Variants in MKLN1 observed in about 807,000 individuals in gnomAD.
The protein encoded by MKLN1 is muskelin 1, also known as muskelin.
In MKLN1, 18 loss-of-function variants were observed where a neutral mutation model predicts 99.0. That is an observed-to-expected ratio of 0.18 (90% confidence interval 0.13 to 0.27). The LOEUF (loss-of-function observed/expected upper bound fraction) is 0.27. MKLN1 is among the 10% of genes least tolerant of loss of function. The pLI is 1.00. For synonymous variants in MKLN1, 288 were observed against 293.2 expected (o/e 0.98, Z 0.18); for missense variants, 621 against 875.9 (o/e 0.71, Z 3.67).
At position 131,313,574 on chromosome 7, in the gene MKLN1, T is replaced by C. The variant is rs185738044; in HGVS notation, c.-178-61850T>C. The stretch of plus-strand genomic sequence containing the variant: ...GTACTGAGTTTTAGAGAAAATGCAG[T>C]AGTAACTTTATATCTCAAAGTACAA... On this transcript the variant is annotated intron_variant, in intron 3 of 7. Coordinates refer to the MKLN1 transcript ENST00000416992. Among the ~76,000 whole-genome samples the C allele has an allele frequency of 4.3e-4, 66 of 152,344 alleles. No homozygotes were observed. In the East Asian group the frequency reaches 7.3e-3, roughly 17 times the overall value.
At chr7:131,450,474 T>C (rs1796145883) in intron 12 of MKLN1, among the ~76,000 whole-genome samples, 1 of 152,194 alleles carries the variant, frequency 6.6e-6, no homozygotes, top group South Asian at 2.1e-4. Flanking sequence ...TTAAATCTTT[T>C]AATGGTTTCT....
chr7:131,411,876 C>T (rs1397443943), intron 7 of MKLN1, among the ~76,000 whole-genome samples: 2 of 132,224 alleles, frequency 1.5e-5, no homozygotes, highest in African/African-American at 5.8e-5. Context: ...TATTGTACTC[C>T]GGCCTGGGAG....
chr7:131,403,607 T>G (rs1794617159), intron 6 of MKLN1, among the ~76,000 whole-genome samples: 1 of 152,168 alleles, frequency 6.6e-6, no homozygotes, highest in South Asian at 2.1e-4. Context: ...TTATTTAAAG[T>G]GAGAGGTTTG....
intron 1 of MKLN1, among the ~76,000 whole-genome samples, chr7:131,365,687 T>C (rs1800159893): frequency 6.6e-6 from 1 of 152,192 alleles, no homozygotes; most frequent in African/African-American, 2.4e-5. Flanking sequence ...CCAACATCAT[T>C]TATGGGAAGG....
At chr7:131,401,196 G>A (rs985754563) in intron 6 of MKLN1, among the ~76,000 whole-genome samples, 1 of 152,134 alleles carries the variant, frequency 6.6e-6, no homozygotes, top group Non-Finnish European at 1.5e-5. Flanking sequence ...ATATTACTTA[G>A]TATGATCTTT....
intron 2 of MKLN1, among the ~76,000 whole-genome samples, chr7:131,171,330 C>T (rs981507894): frequency 2.6e-5 from 4 of 152,006 alleles, no homozygotes; most frequent in Non-Finnish European, 4.4e-5. Context: ...GAAAAAGAGT[C>T]GGAAGGATAA....
At chr7:131,334,577 G>T (rs1799196190) in intron 1 of MKLN1, among the ~76,000 whole-genome samples, 1 of 152,124 alleles carries the variant, frequency 6.6e-6, no homozygotes, top group Non-Finnish European at 1.5e-5. Flanking sequence ...ATGTTGAGAG[G>T]TTTATGTACA....
chr7:131,176,420 G>A (rs921931671), intron 2 of MKLN1, among the ~76,000 whole-genome samples: 2 of 151,750 alleles, frequency 1.3e-5, no homozygotes, highest in East Asian at 1.9e-4. Flanking sequence ...TCTATCTTAC[G>A]TCTCAAATGA....
intron 3 of MKLN1, among the ~76,000 whole-genome samples, chr7:131,246,514 A>G (rs1317583018): frequency 6.6e-6 from 1 of 152,102 alleles, no homozygotes; most frequent in Non-Finnish European, 1.5e-5. Flanking sequence ...ATCTTCTTTT[A>G]TGATTTGTTC....
intron 3 of MKLN1, among the ~76,000 whole-genome samples, chr7:131,222,051 A>G (rs993897283): frequency 1.3e-5 from 2 of 151,730 alleles, no homozygotes; most frequent in Admixed American, 6.6e-5. Flanking sequence ...GACTACAGGC[A>G]TGCACCACCA....
intron 3 of MKLN1, among the ~76,000 whole-genome samples, chr7:131,253,969 C>T (rs1234864630): frequency 1.3e-5 from 2 of 152,150 alleles, no homozygotes; most frequent in Non-Finnish European, 2.9e-5. Flanking sequence ...CAAAAACTAC[C>T]CCAGCAAAGA....
chr7:131,476,452 A>C (rs1238379707), intron 16 of MKLN1, among the ~76,000 whole-genome samples: 2 of 152,226 alleles, frequency 1.3e-5, no homozygotes, highest in African/African-American at 4.8e-5. Flanking sequence ...AGATTACAAA[A>C]ATACAAGGTC....
rs529527144 is a variant in MKLN1, at chr7:131,193,016, A to G, written c.-296-9841A>G. On this transcript the variant is annotated intron_variant, in intron 2 of 7. Transcript: ENST00000416992. Reference sequence around the variant, plus strand: ...GTGTAACAAGCATAGAATTAATTTGAGTATATAATAAAAAGTATTAAAATA... The same window carrying G: ...GTGTAACAAGCATAGAATTAATTTGGGTATATAATAAAAAGTATTAAAATA... 6.6e-5 allele frequency among the ~76,000 whole-genome samples: 10 copies of G among 152,338 alleles called. No individual in the cohort carries two copies. The South Asian group carries it at 1.4e-3, about 22-fold the overall frequency.
At chr7:131,152,796 A>G (rs1795907332) in intron 2 of MKLN1, among the ~76,000 whole-genome samples, 2 of 151,992 alleles carry the variant, frequency 1.3e-5, no homozygotes, top group Middle Eastern at 3.2e-3. Flanking sequence ...TGTTGAAGCA[A>G]GATCCAAATA....
intron 3 of MKLN1, among the ~76,000 whole-genome samples, chr7:131,264,762 A>G (rs569091350): frequency 6.6e-6 from 1 of 152,268 alleles, no homozygotes; most frequent in Admixed American, 6.5e-5. Flanking sequence ...GACAGACTCT[A>G]ACCTTAGGAT....
chr7:131,213,069 C>T (rs1796930854), intron 3 of MKLN1, among the ~76,000 whole-genome samples: 1 of 152,110 alleles, frequency 6.6e-6, no homozygotes, highest in Admixed American at 6.6e-5. Flanking sequence ...TTCTCCTTCC[C>T]TCTTTTCACA....
At chr7:131,257,731 G>A (rs1797677062) in intron 3 of MKLN1, among the ~76,000 whole-genome samples, 1 of 152,114 alleles carries the variant, frequency 6.6e-6, no homozygotes, top group African/African-American at 2.4e-5. Context: ...GGGAGGGAAG[G>A]GGAAGGGAGA....
chr7:131,219,311 G>A (rs981390038), intron 3 of MKLN1, among the ~76,000 whole-genome samples: 1 of 151,986 alleles, frequency 6.6e-6, no homozygotes, highest in Non-Finnish European at 1.5e-5. Context: ...ATAATAGTAG[G>A]CACTTGATAA....
rs908751493 is a variant in MKLN1 at position 131,464,348 on chromosome 7, T to C, written c.1728T>C (p.Leu576=). ...QAAKDNPTKS[L]QEEEPCPRFA... is the part of the protein sequence containing the mutation. Reference sequence around the variant, plus strand: ...CAAAGGATAATCCAACTAAAAGTCTTCAGGAAGAAGAACCATGTCCAAGGT... The same window carrying C: ...CAAAGGATAATCCAACTAAAAGTCTCCAGGAAGAAGAACCATGTCCAAGGT... Residue 576 remains leucine (L), a synonymous_variant, in exon 14 of 18, where the codon CTT becomes CTC. Coordinates refer to ENST00000352689, the MANE Select transcript of MKLN1 (RefSeq NM_013255.5). The C allele has an allele frequency of 9.9e-6, 16 of 1,613,644 alleles. No individual in the cohort carries two copies. The highest frequency in any genetic ancestry group is 1.4e-5 in the Non-Finnish European group (16 of 1,179,810).
Sources: gnomAD v4.1 joint callset for allele counts (sites outside exome capture counted in the v4.1 genomes callset) on GRCh38, gnomAD v4.1.1 for gene constraint, MANE v1.5 for transcripts, NCBI Gene and HGNC (gene_info 2026-07-23, HGNC 2026-07-21) for gene names.